The following ELAVL2 variants were observed in gnomAD, a reference collection of about 807,000 sequenced individuals.
The protein encoded by ELAVL2 is ELAV-like protein 2.
A neutral mutation model predicts 34.6 loss-of-function variants in ELAVL2; 4 were observed. The ratio of observed to expected loss-of-function variants is 0.12; its 90% CI spans 0.06 to 0.26. The LOEUF is 0.26. Ranked by LOEUF, ELAVL2 falls within the 10% of genes least tolerant of loss-of-function variation. The pLI is 1.00. For missense variants in ELAVL2, 432 were observed against 442.8 expected (o/e 0.98, Z 0.22); for synonymous variants, 193 against 154.8 (o/e 1.25, Z -1.83).
At chr9:23,752,184 C>T (rs967022910) in intron 2 of ELAVL2, among the ~76,000 whole-genome samples, 18 of 152,156 alleles carry the variant, frequency 1.2e-4, no homozygotes, top group African/African-American at 4.3e-4. Context: ...AGAGACAGTA[C>T]CCCTGTGTGC....
chr9:23,754,602 G>A (rs1007311355), intron 2 of ELAVL2, among the ~76,000 whole-genome samples: 3 of 152,046 alleles, frequency 2.0e-5, no homozygotes, highest in Admixed American at 6.6e-5. Context: ...GGGACTACAG[G>A]CGTGCAGCAC....
At chr9:23,756,607 A>C (rs2053616755) in intron 2 of ELAVL2, among the ~76,000 whole-genome samples, 1 of 152,130 alleles carries the variant, frequency 6.6e-6, no homozygotes. Context: ...GCAACATATC[A>C]GATCAGTAAG....
At chr9:23,725,368 A>C (rs2044822530) in intron 3 of ELAVL2, among the ~76,000 whole-genome samples, 1 of 152,112 alleles carries the variant, frequency 6.6e-6, no homozygotes, top group Non-Finnish European at 1.5e-5. Context: ...AACTGCTTTA[A>C]AACTTCCATG....
At chr9:23,803,199 A>G (rs1453163996) in intron 1 of ELAVL2, among the ~76,000 whole-genome samples, 1 of 152,210 alleles carries the variant, frequency 6.6e-6, no homozygotes, top group Non-Finnish European at 1.5e-5. Context: ...TACTACCCTG[A>G]TTTATAAGAA....
chr9:23,777,042 A>T (rs1041316038), intron 1 of ELAVL2, among the ~76,000 whole-genome samples: 11 of 152,310 alleles, frequency 7.2e-5, no homozygotes, highest in African/African-American at 2.6e-4. Context: ...CATCCTATGT[A>T]AAGTACAAGT....
At chr9:23,742,971 T>C (rs2049625290) in intron 2 of ELAVL2, among the ~76,000 whole-genome samples, 1 of 152,054 alleles carries the variant, frequency 6.6e-6, no homozygotes, top group South Asian at 2.1e-4. Context: ...ATGCTGAGTA[T>C]AAAGGAAACC....
intron 1 of ELAVL2, among the ~76,000 whole-genome samples, chr9:23,825,195 G>T (rs1260403914): frequency 6.6e-6 from 1 of 152,160 alleles, no homozygotes; most frequent in African/African-American, 2.4e-5. Context: ...GATGAGTTCT[G>T]ACAGCTTCTA....
At chr9:23,804,229 A>G (rs2061935874) in intron 1 of ELAVL2, among the ~76,000 whole-genome samples, 1 of 151,424 alleles carries the variant, frequency 6.6e-6, no homozygotes, top group African/African-American at 2.4e-5. Context: ...GCAGGAGTGC[A>G]ATGGCATGAT....
intron 3 of ELAVL2, among the ~76,000 whole-genome samples, chr9:23,719,256 A>G (rs1261332037): frequency 6.6e-6 from 1 of 152,196 alleles, no homozygotes; most frequent in Non-Finnish European, 1.5e-5. Context: ...GATAGCATCA[A>G]TAACACTCAC....
At chr9:23,795,286 G>A (rs2060782370) in intron 1 of ELAVL2, among the ~76,000 whole-genome samples, 1 of 152,168 alleles carries the variant, frequency 6.6e-6, no homozygotes. Flanking sequence ...GCTCATGCCT[G>A]TAATCCCAGC....
intron 3 of ELAVL2, among the ~76,000 whole-genome samples, chr9:23,728,866 T>C (rs777297472): frequency 1.8e-4 from 28 of 152,116 alleles, no homozygotes; most frequent in Non-Finnish European, 3.7e-4. Flanking sequence ...ATGCCAGCTG[T>C]TATCTGATAT....
intron 2 of ELAVL2, among the ~76,000 whole-genome samples, chr9:23,743,111 C>T (rs1482299772): frequency 6.6e-6 from 1 of 152,152 alleles, no homozygotes; most frequent in Non-Finnish European, 1.5e-5. Flanking sequence ...GTTGTAAAGG[C>T]TATGGGTCAG....
upstream of ELAVL2, among the ~76,000 whole-genome samples, chr9:23,829,252 A>G (rs531605029): frequency 5.3e-5 from 8 of 152,312 alleles, no homozygotes; most frequent in South Asian, 1.7e-3. Context: ...CAAAACCGAA[A>G]AAGTCATGAA....
At chr9:23,734,664 A>C (rs1055458315) in intron 2 of ELAVL2, among the ~76,000 whole-genome samples, 1 of 152,132 alleles carries the variant, frequency 6.6e-6, no homozygotes, top group African/African-American at 2.4e-5. Context: ...AAACTTCTGT[A>C]CCTTTTATAC....
At chr9:23,786,781 C>G (rs1459388892) in intron 1 of ELAVL2, among the ~76,000 whole-genome samples, 2 of 108,140 alleles carry the variant, frequency 1.8e-5, no homozygotes, top group African/African-American at 3.4e-5. Context: ...ATTTTAGTGG[C>G]AAAAAAAAAA....
chr9:23,790,810 C>A (rs2060237054), intron 1 of ELAVL2, among the ~76,000 whole-genome samples: 1 of 152,182 alleles, frequency 6.6e-6, no homozygotes, highest in Non-Finnish European at 1.5e-5. Flanking sequence ...GACGAGCACA[C>A]AGAGCAACAC....
At position 23,691,973 on chromosome 9, in the gene ELAVL2, A is replaced by G. The variant is rs1041562413; in HGVS notation, c.*584T>C. On this transcript the variant is annotated 3_prime_UTR_variant, in exon 7 of 7. Transcript: ENST00000397312. ...GGTACTGCTTTACGAAAAGTTCTCC[A>G]GTATTCTTACAATAAGCGTTTATAA... The G allele has an allele frequency of 6.6e-6, 1 of 152,614 alleles. No homozygotes were observed. The highest frequency in any genetic ancestry group is 6.6e-5 in the Admixed American group (1 of 15,266). The allele number at this position is 152,614 out of a possible 1,614,324, so 9.5% of individuals were successfully genotyped here.
intron 1 of ELAVL2, among the ~76,000 whole-genome samples, chr9:23,782,464 C>A (rs535435669): frequency 6.6e-6 from 1 of 151,960 alleles, no homozygotes; most frequent in Non-Finnish European, 1.5e-5. Flanking sequence ...CCCAGCTACT[C>A]AGGAGGCTGA....
At chr9:23,752,950 C>G (rs890786101) in intron 2 of ELAVL2, among the ~76,000 whole-genome samples, 1 of 152,150 alleles carries the variant, frequency 6.6e-6, no homozygotes, top group Non-Finnish European at 1.5e-5. Context: ...TCTGTTTCTT[C>G]ACAACACTTA....
Sources: allele counts gnomAD v4.1 joint callset (sites outside exome capture counted in the v4.1 genomes callset), GRCh38; gene constraint gnomAD v4.1.1; transcripts MANE v1.5; gene names NCBI Gene and HGNC (gene_info 2026-07-23, HGNC 2026-07-21).